Variants in AGBL4 observed in about 807,000 individuals in gnomAD.
The protein encoded by AGBL4 is AGBL carboxypeptidase 4, also known as cytosolic carboxypeptidase 6.
Under a neutral mutation model 66.4 loss-of-function variants are expected in AGBL4, and 58 were observed. The observed-to-expected ratio is 0.87, with a 90% CI of 0.71 to 1.09. The LOEUF is 1.09. Ranked by LOEUF, AGBL4 falls within the 50% of genes least tolerant of loss-of-function variation. AGBL4 has a pLI of 0.00. For synonymous variants in AGBL4, 234 were observed against 222.9 expected, an observed-to-expected ratio of 1.05 and a Z score of -0.44; for missense variants, 579 against 631.0, an observed-to-expected ratio of 0.92 and a Z score of 0.88.
chr1:49,173,034 G>A (rs895975837), intron 4 of AGBL4, among the ~76,000 whole-genome samples: 3 of 152,126 alleles, frequency 2.0e-5, no homozygotes, highest in East Asian at 1.9e-4. Flanking sequence ...CAGGAGGATC[G>A]CTTGAACCCA....
At chr1:48,587,295 T>C (rs1644838638) in intron 10 of AGBL4, 129 bp from the exon 11 acceptor site, 2 of 892,378 alleles carry the variant, frequency 2.2e-6, no homozygotes, top group South Asian at 3.7e-5. Context: ...CCTCATCACA[T>C]GATTATTATA....
chr1:49,033,780 C>A (rs1664418274), intron 5 of AGBL4, among the ~76,000 whole-genome samples: 1 of 151,682 alleles, frequency 6.6e-6, no homozygotes, highest in Non-Finnish European at 1.5e-5. Context: ...GTTCTCCATT[C>A]TCTTTCCTCT....
chr1:49,080,601 A>G (rs907125059), intron 4 of AGBL4, among the ~76,000 whole-genome samples: 2 of 152,002 alleles, frequency 1.3e-5, no homozygotes, highest in African/African-American at 4.8e-5. Context: ...GGCAGGTGGA[A>G]GATAGAGATA....
At chr1:48,953,172 G>T (rs1657144244) in intron 5 of AGBL4, among the ~76,000 whole-genome samples, 1 of 152,144 alleles carries the variant, frequency 6.6e-6, no homozygotes, top group South Asian at 2.1e-4. Flanking sequence ...CTCACACAAT[G>T]AGCTGAAGGT....
intron 3 of AGBL4, among the ~76,000 whole-genome samples, chr1:49,434,455 TTAGGC>T (rs1557937159): frequency 2.0e-5 from 3 of 152,136 alleles, no homozygotes; most frequent in African/African-American, 7.2e-5. Context: ...GGCCTTTTGG[TTAGGC>T]AAAAGTAAAG....
intron 3 of AGBL4, among the ~76,000 whole-genome samples, chr1:49,344,503 G>T (rs929241430): frequency 2.0e-5 from 3 of 152,154 alleles, no homozygotes; most frequent in Admixed American, 1.3e-4. Context: ...TGGAAGGTTT[G>T]TGAAAGATTA....
chr1:49,427,515 G>A (rs200571052), intron 3 of AGBL4, among the ~76,000 whole-genome samples: 27 of 150,320 alleles, frequency 1.8e-4, no homozygotes, highest in South Asian at 4.2e-4. Flanking sequence ...ATGAAGCCAC[G>A]GACCCTTGCA....
intron 6 of AGBL4, among the ~76,000 whole-genome samples, chr1:48,669,453 C>T (rs1266914902): frequency 6.6e-6 from 1 of 151,994 alleles, no homozygotes; most frequent in Admixed American, 6.5e-5. Flanking sequence ...ATGCCAGTAA[C>T]ACCTCTCCCT....
intron 3 of AGBL4, among the ~76,000 whole-genome samples, chr1:49,690,331 G>C (rs1304288625): frequency 2.0e-5 from 3 of 152,136 alleles, no homozygotes; most frequent in Non-Finnish European, 4.4e-5. Context: ...AAGTATGCCT[G>C]TATGTTAAAA....
intron 1 of AGBL4, among the ~76,000 whole-genome samples, chr1:49,982,359 G>A (rs142384471): frequency 7.7e-4 from 118 of 152,344 alleles, no homozygotes; most frequent in African/African-American, 2.6e-3. Flanking sequence ...GCACAGCTGG[G>A]TATGTGCATG....
intron 3 of AGBL4, among the ~76,000 whole-genome samples, chr1:49,580,191 T>G (rs1348170819): frequency 6.6e-6 from 1 of 152,200 alleles, no homozygotes; most frequent in African/African-American, 2.4e-5. Context: ...TTATTTTCAG[T>G]CTATATGTGT....
At chr1:49,314,068 C>A (rs1365414234) in intron 3 of AGBL4, among the ~76,000 whole-genome samples, 1 of 152,074 alleles carries the variant, frequency 6.6e-6, no homozygotes, top group African/African-American at 2.4e-5. Flanking sequence ...AGGGGTCCAG[C>A]TTCAGTGTTC....
chr1:49,652,590 C>T (rs769125490), intron 3 of AGBL4, among the ~76,000 whole-genome samples: 2 of 152,132 alleles, frequency 1.3e-5, no homozygotes, highest in Non-Finnish European at 2.9e-5. Flanking sequence ...TGAGTACTGG[C>T]AATGGGTAGG....
At chr1:49,893,884 A>G (rs976763493) in intron 1 of AGBL4, among the ~76,000 whole-genome samples, 2 of 152,162 alleles carry the variant, frequency 1.3e-5, no homozygotes, top group Admixed American at 6.5e-5. Flanking sequence ...CATAGGCAGT[A>G]GACAGGTAGT....
At chr1:49,555,068 CT>C (rs1182902740) in intron 3 of AGBL4, among the ~76,000 whole-genome samples, 1 of 152,198 alleles carries the variant, frequency 6.6e-6, no homozygotes, top group African/African-American at 2.4e-5. Flanking sequence ...GTTGCCACTG[CT>C]GGCTCTCTGG....
At position 48,672,596 on chromosome 1, in the gene AGBL4, G is replaced by T. The variant is rs577217317; in HGVS notation, c.635-9355C>A. ...TGGCCCAGTGGAGGTGTTCAGAAAA[G>T]ATCTGTTCCTTAACTTGCCATGCAG... is the stretch of plus-strand genomic sequence containing the variant. On this transcript the variant is annotated intron_variant, in intron 6 of 13. Coordinates refer to ENST00000371839, the MANE Select transcript of AGBL4 (RefSeq NM_032785.4). Among the ~76,000 whole-genome samples the T allele has an allele frequency of 1.1e-4, 16 of 152,308 alleles. No homozygotes were observed. In the South Asian group the frequency reaches 3.3e-3, roughly 32 times the overall value.
chr1:48,902,395 T>A (rs1186699165), intron 5 of AGBL4, among the ~76,000 whole-genome samples: 1 of 152,088 alleles, frequency 6.6e-6, no homozygotes, highest in African/African-American at 2.4e-5. Flanking sequence ...TAGAAGACTA[T>A]AATAAAAGTC....
intron 5 of AGBL4, among the ~76,000 whole-genome samples, chr1:48,944,948 G>C (rs1428139136): frequency 1.3e-5 from 2 of 152,122 alleles, no homozygotes; most frequent in Non-Finnish European, 2.9e-5. Flanking sequence ...TGATTAGGAG[G>C]GCCTTAAAAT....
chr1:48,586,158 C>T (rs1644816847), intron 11 of AGBL4: 1 of 152,208 alleles, frequency 6.6e-6, no homozygotes, highest in Admixed American at 6.5e-5. Flanking sequence ...AAAATCAACA[C>T]TCGGGAAACT....
Sources: allele counts gnomAD v4.1 joint callset (sites outside exome capture counted in the v4.1 genomes callset), GRCh38; gene constraint gnomAD v4.1.1; transcripts MANE v1.5; gene names NCBI Gene and HGNC (gene_info 2026-07-23, HGNC 2026-07-21).